CACUL1: variants seen among roughly 807,000 people sequenced by gnomAD.
CACUL1 encodes CDK2-associated and cullin domain-containing protein 1.
Under a neutral mutation model 45.2 loss-of-function variants are expected in CACUL1, and 13 were observed. The ratio of observed to expected loss-of-function variants is 0.29; its 90% CI spans 0.19 to 0.46. CACUL1 has a LOEUF of 0.46. CACUL1 is among the 20% of genes least tolerant of loss of function. CACUL1 has a pLI of 1.00. For missense variants in CACUL1, 421 were observed against 471.4 expected, an observed-to-expected ratio of 0.89 and a Z score of 0.99; for synonymous variants, 197 against 174.2, an observed-to-expected ratio of 1.13 and a Z score of -1.03.
intron 1 of CACUL1, among the ~76,000 whole-genome samples, chr10:118,745,379 C>A (rs186122183): frequency 6.6e-6 from 1 of 151,938 alleles, no homozygotes; most frequent in Admixed American, 6.6e-5. Flanking sequence ...CTGGCCAACA[C>A]GGCGAAACCT....
At chr10:118,752,088 C>G (rs1845903498) in intron 1 of CACUL1, among the ~76,000 whole-genome samples, 2 of 152,156 alleles carry the variant, frequency 1.3e-5, no homozygotes, top group African/African-American at 4.8e-5. Context: ...AATGGTTCAT[C>G]TAGGTAGGTG....
At chr10:118,747,332 C>T (rs1845853803) in intron 1 of CACUL1, among the ~76,000 whole-genome samples, 1 of 152,106 alleles carries the variant, frequency 6.6e-6, no homozygotes, top group Non-Finnish European at 1.5e-5. Context: ...ATGGTGCAAC[C>T]ACCCTAAAGA....
rs1589607262 is a variant in CACUL1 at position 118,707,485 on chromosome 10, T to C, written c.693+7A>G. 2.2e-6 allele frequency: 3 copies of C among 1,350,990 alleles called. No homozygotes were observed. The highest frequency in any genetic ancestry group is 1.7e-5 in the Admixed American group (1 of 59,052). 83.7% of individuals were successfully genotyped at this position (1,350,990 alleles called of 1,614,324 possible). A position where few individuals can be genotyped will look rare whatever the true frequency, so the allele number is the denominator to read the frequency against. On this transcript the variant is annotated splice_region_variant and intron_variant, in intron 4 of 8. Coordinates refer to ENST00000369151, the MANE Select transcript of CACUL1 (RefSeq NM_153810.5). ...TATTTGGGAAGGAGGAAGGAGCTCT[T>C]ACTTACCATATATATGAAAAGAGGC...
rs1391246562 is a variant in CACUL1 at position 118,754,943 on chromosome 10, CT to C, written c.-182del. 5.8e-5 allele frequency: 45 copies of C among 779,234 alleles called. 1 individual carries two copies. Among genetic ancestry groups the C allele is most frequent in the Non-Finnish European group, 8.1e-5 (43 of 533,690 alleles). 48.3% of individuals were successfully genotyped at this position (779,234 alleles called of 1,614,324 possible). A position where few individuals can be genotyped will look rare whatever the true frequency, so the allele number is the denominator to read the frequency against. The stretch of plus-strand genomic sequence containing the variant: ...GGGGCCGACTAGCTTGAAGACGCGG[CT>C]GACGGCGGTGGGCGCTCCGGGGCTC... On this transcript the variant is annotated 5_prime_UTR_variant, in exon 1 of 9. Coordinates refer to ENST00000369151, the MANE Select transcript of CACUL1 (RefSeq NM_153810.5).
intron 1 of CACUL1, among the ~76,000 whole-genome samples, chr10:118,734,943 G>C (rs892901605): frequency 6.6e-6 from 1 of 152,142 alleles, no homozygotes; most frequent in African/African-American, 2.4e-5. Flanking sequence ...ATTCATACCA[G>C]GCAAGAATAA....
intron 1 of CACUL1, among the ~76,000 whole-genome samples, chr10:118,735,278 GT>G (rs1450935178): frequency 1.3e-5 from 2 of 152,140 alleles, no homozygotes; most frequent in South Asian, 4.1e-4. Flanking sequence ...CCTTTTAAGG[GT>G]TTTTTTGTTT....
At chr10:118,702,073 C>T (rs1845385904) in intron 4 of CACUL1, among the ~76,000 whole-genome samples, 1 of 152,156 alleles carries the variant, frequency 6.6e-6, no homozygotes, top group South Asian at 2.1e-4. Flanking sequence ...TCTGCCTTAA[C>T]TGAGGACATT....
intron 1 of CACUL1, among the ~76,000 whole-genome samples, chr10:118,743,329 T>C (rs1845809569): frequency 6.6e-6 from 1 of 151,768 alleles, no homozygotes; most frequent in Non-Finnish European, 1.5e-5. Flanking sequence ...ATTTGACAAA[T>C]TCTAAAACCC....
chr10:118,732,383 CTG>C (rs1564837011), intron 1 of CACUL1, among the ~76,000 whole-genome samples: 1 of 152,206 alleles, frequency 6.6e-6, no homozygotes, highest in African/African-American at 2.4e-5. Context: ...ATGAGGAAGA[CTG>C]CACGAAAAGC....
Position 118,679,015 on chromosome 10 carries a change from T to C in CACUL1, c.*7113A>G, listed in dbSNP as rs1845123874. 6.6e-6 allele frequency: 1 copy of C among 152,220 alleles called. No individual in the cohort carries two copies. The highest frequency in any genetic ancestry group is 1.5e-5 in the Non-Finnish European group (1 of 68,046). 9.4% of individuals were successfully genotyped at this position (152,220 alleles called of 1,614,324 possible). On this transcript the variant is annotated 3_prime_UTR_variant, in exon 9 of 9. Transcript: ENST00000369151. ...CTCTTTGTAGTGTGTTCATTTTTCC[T>C]TTTTGTAGTTTTCTTTTAACTTTTT...
intron 6 of CACUL1, among the ~76,000 whole-genome samples, chr10:118,691,866 C>CAAAAAAAAAAAAA (rs754241223): frequency 1.0e-5 from 1 of 95,458 alleles, no homozygotes; most frequent in African/African-American, 5.3e-5. Context: ...GACTCCGTCT[C>CAAAAAAAAAAAAA]AAAAAAAAAA....
At chr10:118,741,146 T>C (rs1344846613) in intron 1 of CACUL1, among the ~76,000 whole-genome samples, 2 of 152,082 alleles carry the variant, frequency 1.3e-5, no homozygotes, top group South Asian at 2.1e-4. Context: ...GGTCCAGGAA[T>C]GGGAAGGGGT....
intron 1 of CACUL1, among the ~76,000 whole-genome samples, chr10:118,734,784 A>C (rs958535147): frequency 2.0e-5 from 3 of 152,270 alleles, no homozygotes; most frequent in Admixed American, 1.3e-4. Context: ...TAATAAGCTC[A>C]CACAGTCTAA....
rs554962904 is a variant in CACUL1, at chr10:118,677,822, G to A, written c.*8306C>T. The A allele has an allele frequency of 2.0e-4, 31 of 152,240 alleles. No homozygotes were observed. The highest frequency in any genetic ancestry group is 7.2e-4 in the African/African-American group (30 of 41,534). The allele number at this position is 152,240 out of a possible 1,614,324, so 9.4% of individuals were successfully genotyped here. On this transcript the variant is annotated 3_prime_UTR_variant, in exon 9 of 9. Transcript: ENST00000369151. ...ACATAATGCTGTTATAAACATCCCT[G>A]TATACGTTTCTTGGTACACATGCAC...
intron 3 of CACUL1, among the ~76,000 whole-genome samples, chr10:118,710,290 G>T (rs541403514): frequency 6.6e-6 from 1 of 152,054 alleles, no homozygotes; most frequent in African/African-American, 2.4e-5. Context: ...TACAGATGAG[G>T]TGATTGGGGC....
At chr10:118,714,608 G>A (rs1354613598) in intron 3 of CACUL1, among the ~76,000 whole-genome samples, 1 of 152,150 alleles carries the variant, frequency 6.6e-6, no homozygotes, top group Non-Finnish European at 1.5e-5. Flanking sequence ...TAGTTTGTCA[G>A]TCTTTTTTTC....
chr10:118,724,670 A>T (rs1478884373), intron 3 of CACUL1, among the ~76,000 whole-genome samples: 1 of 152,230 alleles, frequency 6.6e-6, no homozygotes, highest in African/African-American at 2.4e-5. Flanking sequence ...AGGAAGACAA[A>T]CCAATTAAAA....
Position 118,683,252 on chromosome 10 carries a change from A to C in CACUL1, c.*2876T>G, listed in dbSNP as rs1283064960. ...ACATACATACTAGACAGTTGAAGCA[A>C]ATCAGCCATTGACTAACCAGACAAC... On this transcript the variant is annotated 3_prime_UTR_variant, in exon 9 of 9. Coordinates refer to ENST00000369151, the MANE Select transcript of CACUL1 (RefSeq NM_153810.5). 3 of 152,178 alleles carry C rather than the reference A, an allele frequency of 2.0e-5. No homozygotes were observed. Among genetic ancestry groups the C allele is most frequent in the Non-Finnish European group, 4.4e-5 (3 of 68,024 alleles). 9.4% of individuals were successfully genotyped at this position (152,178 alleles called of 1,614,324 possible).
At chr10:118,704,875 G>A (rs530995260) in intron 4 of CACUL1, among the ~76,000 whole-genome samples, 7 of 152,280 alleles carry the variant, frequency 4.6e-5, no homozygotes, top group African/African-American at 1.4e-4. Flanking sequence ...CTTCTTGGGC[G>A]CAGTATAAGA....
Sources: allele counts gnomAD v4.1 joint callset (sites outside exome capture counted in the v4.1 genomes callset), GRCh38; gene constraint gnomAD v4.1.1; transcripts MANE v1.5; gene names NCBI Gene and HGNC (gene_info 2026-07-23, HGNC 2026-07-21).